Variants in UNC13C observed in about 807,000 individuals in gnomAD.
UNC13C encodes unc-13 homolog C.
In UNC13C, 174 loss-of-function variants were observed where a neutral mutation model predicts 245.4. The ratio of observed to expected loss-of-function variants is 0.71; its 90% CI spans 0.63 to 0.80. The LOEUF (loss-of-function observed/expected upper bound fraction) is 0.80. Ranked by LOEUF, UNC13C falls within the 30% of genes least tolerant of loss-of-function variation. The probability of loss-of-function intolerance (pLI) is 0.00; values close to 1 mark genes in which losing one functional copy is unlikely to be tolerated. For synonymous variants in UNC13C, 992 were observed against 895.1 expected, an observed-to-expected ratio of 1.11 and a Z score of -1.93; for missense variants, 2,829 against 2,602.9, an observed-to-expected ratio of 1.09 and a Z score of -1.89.
chr15:54,281,588 T>C (rs1380580981), intron 10 of UNC13C, among the ~76,000 whole-genome samples: 1 of 152,200 alleles, frequency 6.6e-6, no homozygotes, highest in Non-Finnish European at 1.5e-5. Flanking sequence ...TGGGAGAAAT[T>C]AAAACCACCA....
intron 4 of UNC13C, among the ~76,000 whole-genome samples, chr15:54,225,595 A>T (rs763983300): frequency 6.6e-6 from 1 of 152,026 alleles, no homozygotes; most frequent in Non-Finnish European, 1.5e-5. Context: ...TCACTCATGA[A>T]TTGGTTCTCT....
chr15:53,893,390 A>T, the UNC13C span, among the ~76,000 whole-genome samples: 2 of 152,136 alleles, frequency 1.3e-5, no homozygotes, highest in South Asian at 2.1e-4. Context: ...CTGTGCTGGG[A>T]GGTTTGCTGC....
At chr15:54,120,176 A>G (rs1047777788) in intron 2 of UNC13C, among the ~76,000 whole-genome samples, 8 of 152,182 alleles carry the variant, frequency 5.3e-5, no homozygotes, top group Non-Finnish European at 1.5e-5. Context: ...TTAAAGCTGG[A>G]GAACAGAAGT....
intron 30 of UNC13C, among the ~76,000 whole-genome samples, chr15:54,602,080 C>G (rs1267342376): frequency 1.4e-4 from 7 of 50,886 alleles, no homozygotes; most frequent in Non-Finnish European, 4.6e-4. Flanking sequence ...ATAGACTGAA[C>G]AGGCAAATAT....
chr15:53,889,379 T>C, the UNC13C span, among the ~76,000 whole-genome samples: 1 of 152,350 alleles, frequency 6.6e-6, no homozygotes, highest in Admixed American at 6.5e-5. Context: ...ATAGGAATGC[T>C]TGTGATTTTT....
Position 54,596,599 on chromosome 15 carries a change from C to A in UNC13C, c.6107-25728C>A, listed in dbSNP as rs181000568. On this transcript the variant is annotated intron_variant, in intron 30 of 32. Coordinates refer to ENST00000260323, the MANE Select transcript of UNC13C (RefSeq NM_001080534.3). ...GCACAGGCAGGAGGACTGGGGATAT[C>A]ATTTGAATATTTTGTCTTTTCCAAC... Among the ~76,000 whole-genome samples the A allele has an allele frequency of 3.9e-5, 6 of 152,254 alleles. No homozygotes were observed. In the East Asian group the frequency reaches 9.7e-4, roughly 25 times the overall value.
chr15:54,342,702 G>A (rs1200437779), intron 17 of UNC13C, among the ~76,000 whole-genome samples: 1 of 152,176 alleles, frequency 6.6e-6, no homozygotes, highest in Non-Finnish European at 1.5e-5. Flanking sequence ...AATGTTAGAT[G>A]AAGGCAAGTA....
chr15:54,546,816 A>G lies in UNC13C; in HGVS notation c.5791A>G (p.Ile1931Val). 6.3e-7 allele frequency: 1 copy of G among 1,581,360 alleles called. No individual in the cohort carries two copies. The highest frequency in any genetic ancestry group is 8.6e-7 in the Non-Finnish European group (1 of 1,162,564). ...KLVLNKIEKQ[I>V]VLPPLTDQTG... ...AGTTCTCAACAAAATAGAAAAACAA[A>G]TTGTTCTTCCTCCTCTGACAGATCA... Residue 1931 changes from isoleucine to valine, a missense_variant, in exon 27 of 33, where the codon ATT (isoleucine) becomes GTT (valine). Physicochemically the swap from Ile to Val is conservative, Grantham distance 29. Transcript: ENST00000260323.
chr15:54,505,301 C>G (rs143117358), intron 22 of UNC13C, among the ~76,000 whole-genome samples: 2 of 152,296 alleles, frequency 1.3e-5, no homozygotes, highest in African/African-American at 4.8e-5. Context: ...CACAGCTTTT[C>G]TCTGAAGAGT....
At chr15:54,381,114 A>G (rs1222699457) in intron 17 of UNC13C, among the ~76,000 whole-genome samples, 2 of 152,062 alleles carry the variant, frequency 1.3e-5, no homozygotes, top group African/African-American at 2.4e-5. Context: ...AAGTCTTTAA[A>G]GATTTTGAGT....
At chr15:54,285,108 T>A (rs2037108082) in intron 10 of UNC13C, among the ~76,000 whole-genome samples, 1 of 152,220 alleles carries the variant, frequency 6.6e-6, no homozygotes, top group Non-Finnish European at 1.5e-5. Context: ...GAACTCCTCT[T>A]TTCCTTTTCC....
chr15:54,114,324 T>C (rs968615968), intron 2 of UNC13C, among the ~76,000 whole-genome samples: 1 of 152,170 alleles, frequency 6.6e-6, no homozygotes, highest in South Asian at 2.1e-4. Context: ...CCTATATCCT[T>C]CCTTCCTTAG....
chr15:53,922,955 T>A, the UNC13C span, among the ~76,000 whole-genome samples: 242 of 152,314 alleles, frequency 1.6e-3, 2 homozygotes, highest in African/African-American at 5.7e-3. Flanking sequence ...CATAAGGTGA[T>A]CAGTAGTTCT....
At chr15:54,056,073 G>A (rs1195706486) in intron 2 of UNC13C, among the ~76,000 whole-genome samples, 1 of 152,150 alleles carries the variant, frequency 6.6e-6, no homozygotes, top group Non-Finnish European at 1.5e-5. Context: ...GCTGAGGAAC[G>A]CAGCTCCTCA....
At chr15:53,876,561 A>G in the UNC13C span, among the ~76,000 whole-genome samples, 1 of 152,188 alleles carries the variant, frequency 6.6e-6, no homozygotes, top group Non-Finnish European at 1.5e-5. Context: ...ATGCTTACAC[A>G]GCTGCCATCT....
intron 18 of UNC13C, among the ~76,000 whole-genome samples, chr15:54,397,935 G>A (rs2040104898): frequency 2.0e-5 from 3 of 151,078 alleles, no homozygotes; most frequent in African/African-American, 7.3e-5. Context: ...CAATTTAGAT[G>A]TATTTTATTA....
intron 30 of UNC13C, among the ~76,000 whole-genome samples, chr15:54,587,091 A>G (rs147158076): frequency 1.8e-4 from 27 of 152,284 alleles, no homozygotes; most frequent in African/African-American, 6.5e-4. Flanking sequence ...ACTTACTACC[A>G]CCATAGATTT....
intron 26 of UNC13C, among the ~76,000 whole-genome samples, chr15:54,537,269 CTAA>C: frequency 6.6e-6 from 1 of 151,864 alleles, no homozygotes; most frequent in Non-Finnish European, 1.5e-5. Context: ...AGAAATACAG[CTAA>C]TGAGAGAGGT....
At chr15:54,103,595 T>G (rs1444201614) in intron 2 of UNC13C, among the ~76,000 whole-genome samples, 3 of 152,216 alleles carry the variant, frequency 2.0e-5, no homozygotes, top group Non-Finnish European at 4.4e-5. Flanking sequence ...CTGACTATCT[T>G]GTTTCCCTAT....
Sources: allele counts gnomAD v4.1 joint callset (sites outside exome capture counted in the v4.1 genomes callset), GRCh38; gene constraint gnomAD v4.1.1; transcripts MANE v1.5; gene names NCBI Gene and HGNC (gene_info 2026-07-23, HGNC 2026-07-21).